Variants in ERBB4 observed in about 807,000 individuals in gnomAD.
ERBB4 encodes erb-b2 receptor tyrosine kinase 4.
Under a neutral mutation model 158.0 loss-of-function variants are expected in ERBB4, and 42 were observed. The ratio of observed to expected loss-of-function variants is 0.27; its 90% CI spans 0.21 to 0.34. The LOEUF (loss-of-function observed/expected upper bound fraction) is 0.34. ERBB4 is among the 10% of genes least tolerant of loss of function. ERBB4 has a pLI of 1.00. For missense variants in ERBB4, 1,333 were observed against 1,624.1 expected, an observed-to-expected ratio of 0.82 and a Z score of 3.08; for synonymous variants, 583 against 558.7, an observed-to-expected ratio of 1.04 and a Z score of -0.61.
chr2:211,823,363 A>T (rs2077034774), intron 3 of ERBB4, among the ~76,000 whole-genome samples: 1 of 151,920 alleles, frequency 6.6e-6, no homozygotes, highest in Admixed American at 6.6e-5. Flanking sequence ...TTAATCTAGT[A>T]TTTTCATGTA....
intron 14 of ERBB4, 47 bp downstream of exon 14, chr2:211,673,117 A>G: frequency 2.3e-6 from 3 of 1,281,668 alleles, no homozygotes; most frequent in Non-Finnish European, 3.4e-6. Flanking sequence ...AAACATTCAT[A>G]CATGATACTA....
At position 212,124,406 on chromosome 2, in the gene ERBB4, G is replaced by C. The variant is rs1275091496; in HGVS notation, c.234+346C>G. The stretch of plus-strand genomic sequence containing the variant: ...GCAGAAAAGAGGCAGAAATGGAGAC[G>C]ACTGGCTAGAGTTATCAATTGTTAT... On this transcript the variant is annotated intron_variant, in intron 2 of 27. Transcript: ENST00000342788. Among the ~76,000 whole-genome samples, 3 of 152,160 alleles carry C rather than the reference G, an allele frequency of 2.0e-5. No homozygotes were observed. In the South Asian group the frequency reaches 6.2e-4, roughly 32 times the overall value.
chr2:211,421,892 T>A, intron 24 of ERBB4, 115 bp downstream of exon 24: 1 of 734,870 alleles, frequency 1.4e-6, no homozygotes, highest in Non-Finnish European at 2.5e-6. Flanking sequence ...ATAATTCTGC[T>A]TAATTAATCA....
chr2:212,164,098 G>T (rs2081279568), intron 1 of ERBB4, among the ~76,000 whole-genome samples: 1 of 151,832 alleles, frequency 6.6e-6, no homozygotes, highest in African/African-American at 2.4e-5. Context: ...CATCTTGCCT[G>T]GCCTGAACAA....
intron 1 of ERBB4, among the ~76,000 whole-genome samples, chr2:212,184,038 T>A (rs1157493978): frequency 6.6e-6 from 1 of 152,132 alleles, no homozygotes; most frequent in African/African-American, 2.4e-5. Flanking sequence ...ACCATACACA[T>A]CACTAGCAAT....
chr2:211,393,597 A>C (rs1291052144), intron 25 of ERBB4, among the ~76,000 whole-genome samples: 1 of 152,218 alleles, frequency 6.6e-6, no homozygotes, highest in Non-Finnish European at 1.5e-5. Flanking sequence ...TAATGACTTA[A>C]GGAGGCATCT....
chr2:212,486,939 C>T (rs1560459417), intron 1 of ERBB4, among the ~76,000 whole-genome samples: 1 of 152,104 alleles, frequency 6.6e-6, no homozygotes, highest in African/African-American at 2.4e-5. Context: ...TTAAAAATAA[C>T]ATTTTAAAAC....
intron 6 of ERBB4, 67 bp downstream of exon 6, chr2:211,725,009 G>T: frequency 8.6e-7 from 1 of 1,161,284 alleles, no homozygotes; most frequent in Non-Finnish European, 1.3e-6. Flanking sequence ...CAAAGATTCA[G>T]TATGCCTGAA....
intron 1 of ERBB4, among the ~76,000 whole-genome samples, chr2:212,406,622 A>G (rs2091351457): frequency 6.6e-6 from 1 of 152,178 alleles, no homozygotes; most frequent in Admixed American, 6.6e-5. Flanking sequence ...AAGGACGGGT[A>G]CATTAATGAA....
intron 3 of ERBB4, among the ~76,000 whole-genome samples, chr2:211,933,553 C>T (rs2080233640): frequency 6.6e-6 from 1 of 151,994 alleles, no homozygotes; most frequent in Non-Finnish European, 1.5e-5. Flanking sequence ...TCCCACTGAT[C>T]AATGAAAATG....
At chr2:212,091,555 C>G (rs867044101) in intron 2 of ERBB4, among the ~76,000 whole-genome samples, 2 of 152,194 alleles carry the variant, frequency 1.3e-5, no homozygotes, top group South Asian at 4.1e-4. Flanking sequence ...TGCATGACCC[C>G]TGAAGGGTGA....
chr2:212,113,452 C>T (rs560069195), intron 2 of ERBB4, among the ~76,000 whole-genome samples: 7 of 151,578 alleles, frequency 4.6e-5, no homozygotes, highest in Admixed American at 2.0e-4. Flanking sequence ...TGGATGCCTG[C>T]AGTCCCAGCT....
chr2:211,885,215 A>G (rs2078766389), intron 3 of ERBB4, among the ~76,000 whole-genome samples: 1 of 152,200 alleles, frequency 6.6e-6, no homozygotes, highest in African/African-American at 2.4e-5. Context: ...ATAATTTGTT[A>G]TGACAAGTGT....
intron 3 of ERBB4, among the ~76,000 whole-genome samples, chr2:211,884,558 C>T (rs1450438635): frequency 6.6e-6 from 1 of 152,172 alleles, no homozygotes; most frequent in Non-Finnish European, 1.5e-5. Context: ...GGCCATCCTA[C>T]CCATAAGGAA....
chr2:211,798,657 T>C (rs916087494), intron 3 of ERBB4, among the ~76,000 whole-genome samples: 1 of 152,092 alleles, frequency 6.6e-6, no homozygotes, highest in African/African-American at 2.4e-5. Flanking sequence ...TGTACATTGG[T>C]CAAAGTACAG....
At chr2:212,124,333 AG>A (rs1377402863) in intron 2 of ERBB4, among the ~76,000 whole-genome samples, 1 of 151,860 alleles carries the variant, frequency 6.6e-6, no homozygotes, top group Non-Finnish European at 1.5e-5. Context: ...TTTTAATAAC[AG>A]TGTTAGTCTC....
chr2:211,492,546 G>A (rs2065370536), intron 20 of ERBB4, among the ~76,000 whole-genome samples: 1 of 152,050 alleles, frequency 6.6e-6, no homozygotes, highest in South Asian at 2.1e-4. Context: ...TGAAAAACCT[G>A]TGAGGTAGAG....
At chr2:211,720,878 T>C (rs549890352) in intron 7 of ERBB4, among the ~76,000 whole-genome samples, 1 of 152,324 alleles carries the variant, frequency 6.6e-6, no homozygotes, top group South Asian at 2.1e-4. Flanking sequence ...CACATAAACA[T>C]AAATGTTTCC....
chr2:212,255,616 T>C (rs76894319), intron 1 of ERBB4, among the ~76,000 whole-genome samples: 1 of 152,108 alleles, frequency 6.6e-6, no homozygotes, highest in Non-Finnish European at 1.5e-5. Flanking sequence ...GTGTTTTTTT[T>C]AAATATTTGC....
Sources: allele counts gnomAD v4.1 joint callset (sites outside exome capture counted in the v4.1 genomes callset), GRCh38; gene constraint gnomAD v4.1.1; transcripts MANE v1.5; gene names NCBI Gene and HGNC (gene_info 2026-07-23, HGNC 2026-07-21).